The following RBFOX1 variants were observed in gnomAD, a reference collection of about 807,000 sequenced individuals.
The protein encoded by RBFOX1 is RNA binding protein fox-1 homolog 1.
Under a neutral mutation model 57.7 loss-of-function variants are expected in RBFOX1, and 8 were observed. The ratio of observed to expected loss-of-function variants is 0.14; its 90% CI spans 0.08 to 0.25. The LOEUF (loss-of-function observed/expected upper bound fraction) is 0.25, where lower values mean the gene tolerates loss of function less well. RBFOX1 is among the 10% of genes least tolerant of loss of function. The pLI, the probability that RBFOX1 is intolerant of heterozygous loss-of-function variation, is 1.00. For synonymous variants in RBFOX1, 326 were observed against 222.4 expected (o/e 1.47, Z -4.15); for missense variants, 611 against 548.5 (o/e 1.11, Z -1.14).
chr16:7,161,129 A>T (rs1400893815), intron 4 of RBFOX1, among the ~76,000 whole-genome samples: 1 of 152,126 alleles, frequency 6.6e-6, no homozygotes, highest in Non-Finnish European at 1.5e-5. Flanking sequence ...AACCTCTGGG[A>T]TTACAAAATA....
intron 3 of RBFOX1, among the ~76,000 whole-genome samples, chr16:6,803,297 A>G (rs781049840): frequency 7.9e-5 from 12 of 152,174 alleles, no homozygotes; most frequent in Non-Finnish European, 1.6e-4. Flanking sequence ...ACATCCCAGA[A>G]CTGGCATTGT....
chr16:7,653,629 C>T (rs1597369916), intron 11 of RBFOX1, among the ~76,000 whole-genome samples, 186 bp from the exon 12 acceptor site: 1 of 152,224 alleles, frequency 6.6e-6, no homozygotes, highest in Non-Finnish European at 1.5e-5. Context: ...AACTACTCAT[C>T]CTCTCTGGAG....
At chr16:5,904,929 A>G (rs1214253040) in intron 4 of RBFOX1, among the ~76,000 whole-genome samples, 1 of 145,036 alleles carries the variant, frequency 6.9e-6, no homozygotes, top group African/African-American at 2.6e-5. Flanking sequence ...GTGAGCCGAG[A>G]TCGCACCAAT....
chr16:5,720,486 T>C (rs2051888647), intron 3 of RBFOX1, among the ~76,000 whole-genome samples: 1 of 152,238 alleles, frequency 6.6e-6, no homozygotes, highest in African/African-American at 2.4e-5. Flanking sequence ...TTTGTGCTTT[T>C]ATTGTCATAT....
intron 4 of RBFOX1, among the ~76,000 whole-genome samples, chr16:7,181,850 C>A (rs892106939): frequency 6.6e-6 from 1 of 152,112 alleles, no homozygotes; most frequent in African/African-American, 2.4e-5. Flanking sequence ...TGTGAGACAC[C>A]ATACCCGGGC....
chr16:7,298,389 A>G (rs2095950290), intron 4 of RBFOX1, among the ~76,000 whole-genome samples: 2 of 150,538 alleles, frequency 1.3e-5, no homozygotes, highest in African/African-American at 2.5e-5. Context: ...CCTGGGTTCA[A>G]GTGATTCTCA....
intron 4 of RBFOX1, among the ~76,000 whole-genome samples, chr16:5,909,716 G>A (rs1405773595): frequency 6.6e-6 from 1 of 152,152 alleles, no homozygotes; most frequent in Non-Finnish European, 1.5e-5. Flanking sequence ...CACCAAACTG[G>A]GGAACAAGCC....
chr16:6,730,030 G>T (rs961716979), intron 3 of RBFOX1, among the ~76,000 whole-genome samples: 3 of 152,038 alleles, frequency 2.0e-5, no homozygotes, highest in African/African-American at 7.2e-5. Flanking sequence ...GGAGAGCTTG[G>T]AAATAATCAT....
In RBFOX1 at chr16:5,787,781, C is replaced by G. The variant is rs1215961107; in HGVS notation, c.319-79522C>G. Among the ~76,000 whole-genome samples the G allele has an allele frequency of 3.3e-5, 5 of 152,176 alleles. No individual in the cohort carries two copies. In the East Asian group the frequency reaches 7.7e-4, roughly 23 times the overall value. On this transcript the variant is annotated intron_variant, in intron 3 of 19. Coordinates refer to the RBFOX1 transcript ENST00000641259. ...GGAACAGTCAAGCCTCCATGAGGAT[C>G]ATTTCCCAAGGTGTTCCTGTAAAGG...
At chr16:5,624,756 C>T (rs1307781170) in intron 3 of RBFOX1, among the ~76,000 whole-genome samples, 2 of 152,232 alleles carry the variant, frequency 1.3e-5, no homozygotes, top group Non-Finnish European at 2.9e-5. Flanking sequence ...GGTCTTTGAG[C>T]TTGCCTCAGG....
intron 3 of RBFOX1, among the ~76,000 whole-genome samples, chr16:6,895,485 T>C (rs1480477032): frequency 2.0e-5 from 2 of 101,276 alleles, no homozygotes; most frequent in Non-Finnish European, 4.1e-5. Flanking sequence ...TATATATATA[T>C]ATTTATTCCC....
chr16:6,093,362 C>T (rs1441677670), intron 1 of RBFOX1, among the ~76,000 whole-genome samples: 1 of 151,906 alleles, frequency 6.6e-6, no homozygotes, highest in Non-Finnish European at 1.5e-5. Context: ...TCTGTTGAGA[C>T]CAAGAATTCA....
intron 4 of RBFOX1, among the ~76,000 whole-genome samples, chr16:7,515,776 C>G (rs1224164120): frequency 6.6e-6 from 1 of 152,142 alleles, no homozygotes; most frequent in Non-Finnish European, 1.5e-5. Flanking sequence ...TCAGTTTCTT[C>G]TCTTCATTTT....
chr16:5,393,307 A>T (rs1183421676), intron 1 of RBFOX1, among the ~76,000 whole-genome samples: 1 of 152,112 alleles, frequency 6.6e-6, no homozygotes, highest in Non-Finnish European at 1.5e-5. Context: ...TGGGGGTTGG[A>T]TCCAGCTGTC....
chr16:5,610,541 A>C (rs372561664), intron 3 of RBFOX1: 5 of 152,304 alleles, frequency 3.3e-5, no homozygotes, highest in African/African-American at 1.2e-4. Context: ...AAAAGTAAAA[A>C]TTAGGCTGGG....
intron 4 of RBFOX1, among the ~76,000 whole-genome samples, chr16:7,217,160 A>G (rs962801697): frequency 1.3e-5 from 2 of 150,126 alleles, no homozygotes; most frequent in South Asian, 4.3e-4. Context: ...GGTGGAGTGC[A>G]GTGGCACAAT....
At chr16:5,793,327 C>G (rs1204999104) in intron 3 of RBFOX1, among the ~76,000 whole-genome samples, 3 of 152,246 alleles carry the variant, frequency 2.0e-5, no homozygotes, top group Non-Finnish European at 4.4e-5. Flanking sequence ...TTGTTTCTGT[C>G]TTTTCTTGTT....
At chr16:7,170,988 T>C (rs1301286593) in intron 4 of RBFOX1, among the ~76,000 whole-genome samples, 1 of 152,198 alleles carries the variant, frequency 6.6e-6, no homozygotes, top group Admixed American at 6.5e-5. Context: ...ACACACACTC[T>C]CCCGTCTTGC....
chr16:6,173,910 T>C (rs191930130), intron 1 of RBFOX1, among the ~76,000 whole-genome samples: 1 of 152,182 alleles, frequency 6.6e-6, no homozygotes, highest in African/African-American at 2.4e-5. Context: ...TTTTTTTTAC[T>C]AATTATGAGT....
Sources: allele counts gnomAD v4.1 joint callset (sites outside exome capture counted in the v4.1 genomes callset), GRCh38; gene constraint gnomAD v4.1.1; transcripts MANE v1.5; gene names NCBI Gene and HGNC (gene_info 2026-07-23, HGNC 2026-07-21).